MDGA2: variants seen among roughly 807,000 people sequenced by gnomAD.
MDGA2 encodes MAM domain containing glycosylphosphatidylinositol anchor 2, also known as MAM domain-containing glycosylphosphatidylinositol anchor protein 2.
MDGA2 carries 40 observed loss-of-function variants against 117.8 expected under a neutral mutation model. The observed-to-expected ratio is 0.34, with a 90% CI of 0.26 to 0.44. The LOEUF (loss-of-function observed/expected upper bound fraction) is 0.44, where lower values mean the gene tolerates loss of function less well. MDGA2 is among the 20% of genes least tolerant of loss of function. The probability of loss-of-function intolerance (pLI) is 1.00; values close to 1 mark genes in which losing one functional copy is unlikely to be tolerated. For missense variants in MDGA2, 1,123 were observed against 1,250.6 expected, an observed-to-expected ratio of 0.90 and a Z score of 1.54; for synonymous variants, 452 against 439.0, an observed-to-expected ratio of 1.03 and a Z score of -0.37.
At chr14:47,174,265 C>G (rs1242262206) in intron 3 of MDGA2, among the ~76,000 whole-genome samples, 2 of 152,106 alleles carry the variant, frequency 1.3e-5, no homozygotes, top group African/African-American at 4.8e-5. Context: ...CAAGGATACC[C>G]AGGAATTGAA....
intron 1 of MDGA2, among the ~76,000 whole-genome samples, chr14:47,611,846 T>C (rs572757562): frequency 6.6e-6 from 1 of 152,262 alleles, no homozygotes; most frequent in African/African-American, 2.4e-5. Context: ...AAGCACTTTA[T>C]TGGCCAACAG....
chr14:47,370,891 C>A (rs1031161622), intron 1 of MDGA2, among the ~76,000 whole-genome samples: 3 of 151,664 alleles, frequency 2.0e-5, no homozygotes, highest in Non-Finnish European at 4.4e-5. Context: ...TTATATTTTT[C>A]TGATTAATAC....
At chr14:46,885,607 T>C (rs560190854) in intron 10 of MDGA2, among the ~76,000 whole-genome samples, 3 of 152,272 alleles carry the variant, frequency 2.0e-5, no homozygotes, top group African/African-American at 4.8e-5. Context: ...TCTTTGTGCA[T>C]GTCAGAACCA....
intron 1 of MDGA2, among the ~76,000 whole-genome samples, chr14:47,607,043 T>C (rs1234138856): frequency 1.3e-5 from 2 of 152,182 alleles, no homozygotes; most frequent in Non-Finnish European, 2.9e-5. Flanking sequence ...TTTGCACTAT[T>C]GTTTGCTAAA....
chr14:47,380,269 GA>G (rs780069935), intron 1 of MDGA2, among the ~76,000 whole-genome samples: 5 of 152,062 alleles, frequency 3.3e-5, no homozygotes, highest in Admixed American at 6.6e-5. Flanking sequence ...GAGAAAGCAG[GA>G]AAGATCTAAA....
intron 9 of MDGA2, among the ~76,000 whole-genome samples, chr14:46,935,687 A>G (rs1566533847): frequency 6.6e-6 from 1 of 152,130 alleles, no homozygotes; most frequent in Non-Finnish European, 1.5e-5. Context: ...CCAGTCCATG[A>G]TAAATGCCCA....
chr14:47,290,084 T>A (rs1888828055), intron 2 of MDGA2, among the ~76,000 whole-genome samples: 1 of 152,076 alleles, frequency 6.6e-6, no homozygotes, highest in South Asian at 2.1e-4. Flanking sequence ...AAAGACATTT[T>A]TTTTAAGAGA....
chr14:46,871,872 G>A, intron 14 of MDGA2: 1 of 378,238 alleles, frequency 2.6e-6, no homozygotes, highest in Non-Finnish European at 5.5e-6. Flanking sequence ...TTCTGGCTGG[G>A]CACAATGACT....
At chr14:47,103,679 T>C (rs1227700269) in intron 5 of MDGA2, among the ~76,000 whole-genome samples, 1 of 152,254 alleles carries the variant, frequency 6.6e-6, no homozygotes, top group African/African-American at 2.4e-5. Context: ...CAGAATACTG[T>C]TCCTTTTTGA....
At chr14:47,385,194 T>A (rs1391893688) in intron 1 of MDGA2, among the ~76,000 whole-genome samples, 2 of 152,092 alleles carry the variant, frequency 1.3e-5, no homozygotes, top group African/African-American at 4.8e-5. Flanking sequence ...ATGTTTTAAG[T>A]AAATTGCATA....
At chr14:47,214,223 G>A (rs978673043) in intron 3 of MDGA2, among the ~76,000 whole-genome samples, 14 of 152,012 alleles carry the variant, frequency 9.2e-5, no homozygotes, top group Non-Finnish European at 7.4e-5. Context: ...ACTCAGAAGC[G>A]ATTTACCCCA....
At chr14:46,906,032 A>G (rs936398106) in intron 10 of MDGA2, among the ~76,000 whole-genome samples, 1 of 152,020 alleles carries the variant, frequency 6.6e-6, no homozygotes, top group Non-Finnish European at 1.5e-5. Context: ...GTCATTATAT[A>G]AAAGAGTCAT....
Position 46,890,031 on chromosome 14 carries a change from G to T in MDGA2, c.2239-7810C>A, listed in dbSNP as rs546180793. Among the ~76,000 whole-genome samples the T allele has an allele frequency of 3.3e-5, 5 of 152,004 alleles. No individual in the cohort carries two copies. The South Asian group carries it at 1.0e-3, about 32-fold the overall frequency. On this transcript the variant is annotated intron_variant, in intron 10 of 16. Transcript: ENST00000399232. ...ATGCTAAAATAATCCTCTTTACCAT[G>T]CCTGGAACTCTGTATTTGCTTTGGG...
intron 2 of MDGA2, among the ~76,000 whole-genome samples, chr14:47,218,673 A>G (rs1886189145): frequency 6.6e-6 from 1 of 152,130 alleles, no homozygotes; most frequent in Admixed American, 6.5e-5. Flanking sequence ...ACATAATACC[A>G]TAATGGCTTA....
At chr14:47,335,734 T>TTTTATATATATA (rs1255206359) in intron 1 of MDGA2, among the ~76,000 whole-genome samples, 9 of 48,032 alleles carry the variant, frequency 1.9e-4, no homozygotes, top group Non-Finnish European at 2.9e-4. Flanking sequence ...CACATATATT[T>TTTTATATATATA]TATATATATA....
rs866048785 is a variant in MDGA2, at chr14:46,973,084, G to C, written c.1820-15441C>G. On this transcript the variant is annotated intron_variant, in intron 8 of 16. Transcript: ENST00000399232. ...ATAAAATACCATGATACGGCTACTA[G>C]AATGCCCAAAATCTGGAAGACTGAC... is the stretch of plus-strand genomic sequence containing the variant. Among the ~76,000 whole-genome samples the C allele has an allele frequency of 5.3e-5, 8 of 152,054 alleles. No individual in the cohort carries two copies. In the South Asian group the frequency reaches 1.7e-3, roughly 32 times the overall value.
At chr14:46,869,326 A>G (rs1340265153) in intron 14 of MDGA2, among the ~76,000 whole-genome samples, 1 of 149,186 alleles carries the variant, frequency 6.7e-6, no homozygotes, top group Non-Finnish European at 1.5e-5. Context: ...CACTTTTGTC[A>G]TATCTAGTGA....
At chr14:47,234,174 A>G (rs886212976) in intron 2 of MDGA2, among the ~76,000 whole-genome samples, 3 of 151,496 alleles carry the variant, frequency 2.0e-5, no homozygotes, top group Non-Finnish European at 4.4e-5. Flanking sequence ...TCTTAATAAT[A>G]TATGTGTGTG....
chr14:47,013,671 T>G (rs1887973452), intron 8 of MDGA2, among the ~76,000 whole-genome samples: 2 of 150,826 alleles, frequency 1.3e-5, no homozygotes. Flanking sequence ...CCTTATAAAA[T>G]GTATTACTTA....
Sources: allele counts gnomAD v4.1 joint callset (sites outside exome capture counted in the v4.1 genomes callset), GRCh38; gene constraint gnomAD v4.1.1; transcripts MANE v1.5; gene names NCBI Gene and HGNC (gene_info 2026-07-23, HGNC 2026-07-21).